The following PCDH9 variants were observed in gnomAD, a reference collection of about 807,000 sequenced individuals.
PCDH9 encodes protocadherin 9.
A neutral mutation model predicts 70.6 loss-of-function variants in PCDH9; 24 were observed. The ratio of observed to expected loss-of-function variants is 0.34; its 90% CI spans 0.25 to 0.48. The LOEUF (loss-of-function observed/expected upper bound fraction) is 0.48. PCDH9 is among the 20% of genes least tolerant of loss of function. PCDH9 has a pLI of 0.99. For missense variants in PCDH9, 1,281 were observed against 1,503.6 expected (o/e 0.85, Z 2.45); for synonymous variants, 562 against 558.5 (o/e 1.01, Z -0.09).
At chr13:66,661,776 C>T (rs1420306087) in intron 3 of PCDH9, among the ~76,000 whole-genome samples, 1 of 152,128 alleles carries the variant, frequency 6.6e-6, no homozygotes, top group Non-Finnish European at 1.5e-5. Context: ...TTTAAATATG[C>T]TACTGATAAA....
intron 2 of PCDH9, among the ~76,000 whole-genome samples, chr13:66,940,761 T>TA (rs57237055): frequency 1 from 151,928 of 151,930 alleles, 75,963 homozygotes; most frequent in Middle Eastern, 1. Context: ...CTTAAAGAAG[T>TA]AAAAATGTCA....
chr13:66,349,590 C>G (rs368391160), intron 4 of PCDH9, among the ~76,000 whole-genome samples: 1 of 152,246 alleles, frequency 6.6e-6, no homozygotes, highest in African/African-American at 2.4e-5. Context: ...CTACCAAGTG[C>G]CAATATCTTC....
intron 2 of PCDH9, chr13:67,210,500 C>T (rs1326379750): frequency 6.6e-6 from 1 of 151,938 alleles, no homozygotes; most frequent in Non-Finnish European, 1.5e-5. Flanking sequence ...ACTATTTGAA[C>T]ATATATCAAC....
intron 3 of PCDH9, among the ~76,000 whole-genome samples, chr13:66,671,802 T>C (rs2078178909): frequency 6.6e-6 from 1 of 152,168 alleles, no homozygotes; most frequent in Non-Finnish European, 1.5e-5. Context: ...GAACTTTGGA[T>C]TTGAACTTAT....
intron 4 of PCDH9, among the ~76,000 whole-genome samples, chr13:66,395,870 G>A (rs916228752): frequency 2.0e-5 from 3 of 152,068 alleles, no homozygotes; most frequent in Non-Finnish European, 4.4e-5. Flanking sequence ...CTGAAGTTTT[G>A]TTGCATATTT....
intron 3 of PCDH9, among the ~76,000 whole-genome samples, chr13:66,724,718 A>G (rs1006291773): frequency 2.0e-5 from 3 of 152,072 alleles, no homozygotes; most frequent in Non-Finnish European, 4.4e-5. Context: ...CCTGAAACCA[A>G]TCACATAAGA....
At chr13:66,741,922 G>T (rs1331258310) in intron 3 of PCDH9, among the ~76,000 whole-genome samples, 2 of 150,074 alleles carry the variant, frequency 1.3e-5, no homozygotes, top group Non-Finnish European at 2.9e-5. Flanking sequence ...ACTGCCCAAG[G>T]TAATTTATAG....
chr13:66,940,084 G>A (rs186247025), intron 2 of PCDH9, among the ~76,000 whole-genome samples: 34 of 152,122 alleles, frequency 2.2e-4, no homozygotes, highest in African/African-American at 7.2e-4. Flanking sequence ...AGGCAAAAAC[G>A]GGCAAGAAAT....
intron 2 of PCDH9, among the ~76,000 whole-genome samples, chr13:67,027,089 A>C (rs1323874797): frequency 6.6e-6 from 1 of 152,082 alleles, no homozygotes; most frequent in Non-Finnish European, 1.5e-5. Flanking sequence ...GGAACCAAAA[A>C]AGAGCCCGCA....
chr13:66,989,096 G>T (rs1308675158), intron 2 of PCDH9, among the ~76,000 whole-genome samples: 2 of 151,832 alleles, frequency 1.3e-5, no homozygotes, highest in Non-Finnish European at 2.9e-5. Context: ...AAGGGATTTT[G>T]GGGGCAGGAA....
At chr13:66,833,933 T>C (rs76925582) in intron 3 of PCDH9, among the ~76,000 whole-genome samples, 4,569 of 152,256 alleles carry the variant, frequency 0.03, 237 homozygotes, top group African/African-American at 0.1. Context: ...GAATAGCTGA[T>C]AATGAGCTGG....
At chr13:66,603,682 G>C (rs563698369) in intron 4 of PCDH9, among the ~76,000 whole-genome samples, 7 of 152,040 alleles carry the variant, frequency 4.6e-5, no homozygotes, top group Non-Finnish European at 8.8e-5. Flanking sequence ...ATTCAAAAGC[G>C]TAAGAATTTT....
chr13:67,074,279 A>T (rs907480141), intron 2 of PCDH9, among the ~76,000 whole-genome samples: 1 of 152,028 alleles, frequency 6.6e-6, no homozygotes, highest in Non-Finnish European at 1.5e-5. Flanking sequence ...GCCTTTGTAA[A>T]TGTAAAGAGG....
At chr13:66,670,103 C>T (rs1439723517) in intron 3 of PCDH9, among the ~76,000 whole-genome samples, 1 of 152,120 alleles carries the variant, frequency 6.6e-6, no homozygotes, top group Non-Finnish European at 1.5e-5. Flanking sequence ...TTTTCCTTAT[C>T]AAATTCACCA....
At chr13:66,607,832 T>A (rs1258233788) in intron 4 of PCDH9, among the ~76,000 whole-genome samples, 1 of 152,112 alleles carries the variant, frequency 6.6e-6, no homozygotes, top group African/African-American at 2.4e-5. Context: ...AATCATTCTG[T>A]GACTGTTTCA....
intron 4 of PCDH9, among the ~76,000 whole-genome samples, chr13:66,612,755 T>C (rs4432151): frequency 0.066 from 10,025 of 151,864 alleles, 574 homozygotes; most frequent in African/African-American, 0.15. Flanking sequence ...CTGTGTGGAA[T>C]CTAGGATTTG....
At chr13:67,119,350 C>T (rs2086836220) in intron 2 of PCDH9, among the ~76,000 whole-genome samples, 1 of 152,094 alleles carries the variant, frequency 6.6e-6, no homozygotes, top group African/African-American at 2.4e-5. Flanking sequence ...CAGCCCCCTC[C>T]TCTTCATCAT....
At chr13:66,995,674 C>A (rs1301575533) in intron 2 of PCDH9, among the ~76,000 whole-genome samples, 1 of 152,138 alleles carries the variant, frequency 6.6e-6, no homozygotes, top group Non-Finnish European at 1.5e-5. Flanking sequence ...AGTGTGTCTT[C>A]CTGTAGCAAA....
chr13:67,031,304 A>T (rs981806070), intron 2 of PCDH9, among the ~76,000 whole-genome samples: 5 of 152,212 alleles, frequency 3.3e-5, no homozygotes, highest in African/African-American at 1.2e-4. Context: ...ATTTTCTACA[A>T]TTTACCATAA....
Sources: gnomAD v4.1 joint callset for allele counts (sites outside exome capture counted in the v4.1 genomes callset) on GRCh38, gnomAD v4.1.1 for gene constraint, MANE v1.5 for transcripts, NCBI Gene and HGNC (gene_info 2026-07-23, HGNC 2026-07-21) for gene names.